ST3GAL4: variants seen among roughly 807,000 people sequenced by gnomAD.
ST3GAL4 encodes CMP-N-acetylneuraminate-beta-galactosamide-alpha-2,3-sialyltransferase 4.
Under a neutral mutation model 42.6 loss-of-function variants are expected in ST3GAL4, and 24 were observed. That is an observed-to-expected ratio of 0.56 (90% confidence interval 0.41 to 0.79). ST3GAL4 has a LOEUF of 0.79. Ranked by LOEUF, ST3GAL4 falls within the 30% of genes least tolerant of loss-of-function variation. The pLI, the probability that ST3GAL4 is intolerant of heterozygous loss-of-function variation, is 0.00. For synonymous variants in ST3GAL4, 135 were observed against 163.2 expected (o/e 0.83, Z 1.32); for missense variants, 311 against 430.8 (o/e 0.72, Z 2.46).
rs896565643 is a variant in ST3GAL4 at position 126,366,219 on chromosome 11, G to A, written c.-61+10377G>A. ...AGCTGGGGTGGGAGGAACCCAGTGG[G>A]CCTGGGGGAGGTAAAGCAGCAGCAG... On this transcript the variant is annotated intron_variant, in intron 1 of 10. Coordinates refer to ENST00000444328, the MANE Select transcript of ST3GAL4 (RefSeq NM_001254757.2). This position sits in a 1 kb window ranked among gnomAD's most constrained non-coding sequence, Gnocchi z 4.2. 7.9e-5 allele frequency among the ~76,000 whole-genome samples: 12 copies of A among 152,202 alleles called. No individual in the cohort carries two copies. The highest frequency in any genetic ancestry group is 2.9e-4 in the African/African-American group (12 of 41,448).
rs751579267 is a variant in ST3GAL4 at position 126,411,591 on chromosome 11, C to T, written c.772-1914C>T. 5.3e-5 allele frequency among the ~76,000 whole-genome samples: 8 copies of T among 152,174 alleles called. No individual in the cohort carries two copies. Among genetic ancestry groups the T allele is most frequent in the Non-Finnish European group, 1.2e-4 (8 of 68,040 alleles). Reference sequence around the variant, plus strand: ...ACAAGGCTGGACTCGGTGTGTCAACCAGACAGTTCTCATCTGGAAGCTTGG... The same window carrying T: ...ACAAGGCTGGACTCGGTGTGTCAACTAGACAGTTCTCATCTGGAAGCTTGG... On this transcript the variant is annotated intron_variant, in intron 9 of 10. Coordinates refer to ENST00000444328, the MANE Select transcript of ST3GAL4 (RefSeq NM_001254757.2). This position sits in a 1 kb window ranked among gnomAD's most constrained non-coding sequence, Gnocchi z 6.3.
chr11:126,408,125 T>TG lies in ST3GAL4; in HGVS notation c.372dup (p.Asn125GlufsTer32). The TG allele has an allele frequency of 6.2e-7, 1 of 1,614,014 alleles. No homozygotes were observed. Among genetic ancestry groups the TG allele is most frequent in the Non-Finnish European group, 8.5e-7 (1 of 1,179,984 alleles). ...CTCAGGTGCCGCCGCTGTGTGGTCG[T>TG]GGGGAACGGGCACCGGCTGCGGAAC... On this transcript the variant is annotated frameshift_variant, in exon 7 of 11. Transcript: ENST00000444328. LOFTEE classifies it high-confidence loss of function.
intron 1 of ST3GAL4, among the ~76,000 whole-genome samples, chr11:126,358,047 C>T (rs1279821115): frequency 6.6e-6 from 1 of 152,222 alleles, no homozygotes. Context: ...GTCTGAAGTC[C>T]AAGCCTACAG....
chr11:126,380,765 A>T (rs960254702), intron 1 of ST3GAL4, among the ~76,000 whole-genome samples: 3 of 152,200 alleles, frequency 2.0e-5, no homozygotes, highest in South Asian at 2.1e-4. Context: ...GAGCCTGAGC[A>T]TCTCCAAAGA....
At chr11:126,401,219 G>A (rs1351973773) in intron 1 of ST3GAL4, among the ~76,000 whole-genome samples, 1 of 152,102 alleles carries the variant, frequency 6.6e-6, no homozygotes, top group African/African-American at 2.4e-5. Flanking sequence ...CTTGTCCCCT[G>A]AAAATGTGTG....
chr11:126,407,715 C>T (rs1954314492), intron 6 of ST3GAL4, 81 bp downstream of exon 6: 2 of 1,386,126 alleles, frequency 1.4e-6, no homozygotes, highest in Non-Finnish European at 2.0e-6. Context: ...CCCCACCCCC[C>T]CGCTCTGTGA....
rs548552075 is a variant in ST3GAL4 at position 126,412,175 on chromosome 11, A to G, written c.772-1330A>G. On this transcript the variant is annotated intron_variant, in intron 9 of 10. Coordinates refer to ENST00000444328, the MANE Select transcript of ST3GAL4 (RefSeq NM_001254757.2). ...GAGGAGGAATTTGGTGAGTGTAAGG[A>G]GACTGTGTCCAGGCAGAGCTGGCTA... Among the ~76,000 whole-genome samples, 3 of 152,234 alleles carry G rather than the reference A, an allele frequency of 2.0e-5. No homozygotes were observed. The East Asian group carries it at 5.8e-4, about 29-fold the overall frequency.
intron 1 of ST3GAL4, among the ~76,000 whole-genome samples, chr11:126,404,634 T>C (rs1954148733): frequency 6.6e-6 from 1 of 152,228 alleles, no homozygotes; most frequent in African/African-American, 2.4e-5. Context: ...GGGGAGTTAC[T>C]AGGACAATAC....
chr11:126,407,705 C>T lies in ST3GAL4; in HGVS notation c.341+71C>T. On this transcript the variant is annotated intron_variant, in intron 6 of 10. Coordinates refer to ENST00000444328, the MANE Select transcript of ST3GAL4 (RefSeq NM_001254757.2). Reference sequence around the variant, plus strand: ...CTGCCCCCTGCCCGCTCCCCCCACTCCCCACCCCCCCGCTCTGTGAAACAG... The same window carrying T: ...CTGCCCCCTGCCCGCTCCCCCCACTTCCCACCCCCCCGCTCTGTGAAACAG... The T allele has an allele frequency of 7.8e-6, 11 of 1,410,496 alleles. No individual in the cohort carries two copies. In the South Asian group the frequency reaches 1.2e-4, roughly 16 times the overall value. The allele number at this position is 1,410,496 out of a possible 1,614,324, so 87.4% of individuals were successfully genotyped here. A position where few individuals can be genotyped will look rare whatever the true frequency, so the allele number is the denominator to read the frequency against.
In ST3GAL4 at chr11:126,366,646, C is replaced by A. The variant is rs1952439680; in HGVS notation, c.-61+10804C>A. Among the ~76,000 whole-genome samples, 1 of 152,164 alleles carries A rather than the reference C, an allele frequency of 6.6e-6. No homozygotes were observed. The highest frequency in any genetic ancestry group is 6.5e-5 in the Admixed American group (1 of 15,284). ...CTCAGCCCCTTTAACCCTGCTGGCT[C>A]CTAATGAGACTTCAGGTGTGGACCC... On this transcript the variant is annotated intron_variant, in intron 1 of 10. Transcript: ENST00000444328. The surrounding 1 kb of genome is among the most constrained non-coding windows in gnomAD (Gnocchi z 4.2).
rs988674234 is a variant in ST3GAL4, at chr11:126,402,023, G to A, written c.-60-4073G>A. 2.7e-5 allele frequency among the ~76,000 whole-genome samples: 4 copies of A among 148,376 alleles called. No individual in the cohort carries two copies. In the Admixed American group the frequency reaches 2.8e-4, roughly 10 times the overall value. ...GGTGGGAGACACAGGGAAAAGAGGA[G>A]TCATTGATTGGGAACTATTCTGGGA... On this transcript the variant is annotated intron_variant, in intron 1 of 10. Transcript: ENST00000444328.
chr11:126,414,127 T>A lies in ST3GAL4; in HGVS notation c.*80T>A. The A allele has an allele frequency of 6.9e-7, 1 of 1,442,526 alleles. No homozygotes were observed. The highest frequency in any genetic ancestry group is 1.1e-5 in the South Asian group (1 of 87,458). The allele number at this position is 1,442,526 out of a possible 1,614,324, so 89.4% of individuals were successfully genotyped here. A position where few individuals can be genotyped will look rare whatever the true frequency, so the allele number is the denominator to read the frequency against. The stretch of plus-strand genomic sequence containing the variant: ...CATGCGTGGCTGTGGGGGTGGCTGG[T>A]GCCAGTATGACCCACTTGGACTCAC... On this transcript the variant is annotated 3_prime_UTR_variant, in exon 11 of 11. Transcript: ENST00000444328.
At position 126,406,421 on chromosome 11, in the gene ST3GAL4, G is replaced by C. The variant is rs771711394; in HGVS notation, c.17-52G>C. The C allele has an allele frequency of 1.2e-6, 2 of 1,613,590 alleles. No homozygotes were observed. The highest frequency in any genetic ancestry group is 1.7e-6 in the Non-Finnish European group (2 of 1,179,870). On this transcript the variant is annotated intron_variant, in intron 2 of 10. Coordinates refer to ENST00000444328, the MANE Select transcript of ST3GAL4 (RefSeq NM_001254757.2). The surrounding 1 kb of genome is among the most constrained non-coding windows in gnomAD (Gnocchi z 5.4). ...GGGGGCAGGTGGGAAGGTGGACGGG[G>C]GTTGTACCTGCCTGTTGCTGCCTCT...
chr11:126,408,629 G>T (rs2135552243), intron 8 of ST3GAL4, 133 bp downstream of exon 8: 2 of 1,088,580 alleles, frequency 1.8e-6, no homozygotes, highest in Non-Finnish European at 2.6e-6. Flanking sequence ...CGGGCTCCCG[G>T]AAGTCAGCGC....
chr11:126,409,531 C>A lies in ST3GAL4; in HGVS notation c.771+120C>A. On this transcript the variant is annotated intron_variant, in intron 9 of 10. Transcript: ENST00000444328. The surrounding 1 kb of genome is among the most constrained non-coding windows in gnomAD (Gnocchi z 4.9). ...AACAGAGGCGGCGGTTTGCATTTTC[C>A]CTCCAGGAACACACCTGTCATTAAA... is the stretch of plus-strand genomic sequence containing the variant. The A allele has an allele frequency of 7.4e-7, 1 of 1,354,492 alleles. No homozygotes were observed. The highest frequency in any genetic ancestry group is 1.0e-6 in the Non-Finnish European group (1 of 980,050). The allele number at this position is 1,354,492 out of a possible 1,614,324, so 83.9% of individuals were successfully genotyped here.
chr11:126,372,199 T>C (rs533863238), intron 1 of ST3GAL4, among the ~76,000 whole-genome samples: 21 of 152,328 alleles, frequency 1.4e-4, no homozygotes, highest in Non-Finnish European at 2.2e-4. Flanking sequence ...AACATCCTCC[T>C]GCTAGTCAAT....
At chr11:126,390,017 C>CAAAGAAA (rs1555086629) in intron 1 of ST3GAL4, among the ~76,000 whole-genome samples, 1 of 114,636 alleles carries the variant, frequency 8.7e-6, no homozygotes, top group Non-Finnish European at 1.7e-5. Context: ...GCTAAAAATA[C>CAAAGAAA]AAAAAAAAAA....
chr11:126,367,359 C>A (rs1319262608), intron 1 of ST3GAL4, among the ~76,000 whole-genome samples: 1 of 152,200 alleles, frequency 6.6e-6, no homozygotes, highest in Admixed American at 6.5e-5. Context: ...CTGCCTGTCT[C>A]CCTGGCCGTG....
rs1954266820 is a variant in ST3GAL4, at chr11:126,407,031, C to T, written c.182+8C>T. 1.2e-6 allele frequency: 2 copies of T among 1,613,066 alleles called. No individual in the cohort carries two copies. The highest frequency in any genetic ancestry group is 1.7e-5 in the Admixed American group (1 of 59,980). ...CTCTAAGCTCTTTGGCAAGTAAGTACTTAAGGATGAGGAGGGTAGAGCAGG... is the reference window on the plus strand; with the variant it reads ...CTCTAAGCTCTTTGGCAAGTAAGTATTTAAGGATGAGGAGGGTAGAGCAGG... On this transcript the variant is annotated splice_region_variant and intron_variant, in intron 4 of 10. Coordinates refer to ENST00000444328, the MANE Select transcript of ST3GAL4 (RefSeq NM_001254757.2).
Sources: allele counts gnomAD v4.1 joint callset (sites outside exome capture counted in the v4.1 genomes callset), GRCh38; gene constraint gnomAD v4.1.1; non-coding constraint Gnocchi (gnomAD v3.1); transcripts MANE v1.5; gene names NCBI Gene and HGNC (gene_info 2026-07-23, HGNC 2026-07-21).